The following SLC49A4 variants were observed in gnomAD, a reference collection of about 807,000 sequenced individuals.
The protein encoded by SLC49A4 is disrupted in renal cancer protein 2.
A neutral mutation model predicts 50.6 loss-of-function variants in SLC49A4; 36 were observed. The observed-to-expected ratio is 0.71, with a 90% CI of 0.55 to 0.94. SLC49A4 has a LOEUF of 0.94. Ranked by LOEUF, SLC49A4 falls within the 40% of genes least tolerant of loss-of-function variation. The pLI is 0.00. For synonymous variants in SLC49A4, 248 were observed against 241.2 expected (o/e 1.03, Z -0.26); for missense variants, 503 against 605.7 (o/e 0.83, Z 1.78).
chr3:122,841,463 A>T (rs1037255276), intron 4 of SLC49A4, among the ~76,000 whole-genome samples: 3 of 152,236 alleles, frequency 2.0e-5, no homozygotes, highest in Non-Finnish European at 4.4e-5. Context: ...GATACTAGAG[A>T]CAACACATGC....
intron 2 of SLC49A4, among the ~76,000 whole-genome samples, chr3:122,814,225 G>A (rs1049063221): frequency 3.3e-5 from 5 of 152,104 alleles, no homozygotes; most frequent in South Asian, 2.1e-4. Context: ...CCGAGATTGC[G>A]CCACTGCACT....
chr3:122,817,888 C>T (rs538536826), intron 2 of SLC49A4, among the ~76,000 whole-genome samples: 1 of 151,090 alleles, frequency 6.6e-6, no homozygotes, highest in Admixed American at 6.7e-5. Context: ...CACCACCTTG[C>T]CCAGTGTGCA....
chr3:122,847,380 C>T (rs1173691298), intron 5 of SLC49A4, among the ~76,000 whole-genome samples: 1 of 147,496 alleles, frequency 6.8e-6, no homozygotes, highest in African/African-American at 2.5e-5. Context: ...TGGAGTCTCG[C>T]TCTGTCGCCC....
intron 7 of SLC49A4, among the ~76,000 whole-genome samples, chr3:122,865,463 A>G (rs935064988): frequency 1.3e-5 from 2 of 151,656 alleles, no homozygotes; most frequent in Non-Finnish European, 2.9e-5. Flanking sequence ...CACAGCAGTC[A>G]CTTTTTTTTT....
Position 122,879,562 on chromosome 3 carries a change from G to C in SLC49A4, c.*184G>C. On this transcript the variant is annotated 3_prime_UTR_variant, in exon 9 of 9. Coordinates refer to ENST00000261038, the MANE Select transcript of SLC49A4 (RefSeq NM_032839.3). ...ACTAGGTAATAATAATGGGAGACTTGAGTGATAATAGGGGATTTTAAAACT... is the reference window on the plus strand; with the variant it reads ...ACTAGGTAATAATAATGGGAGACTTCAGTGATAATAGGGGATTTTAAAACT... 2.0e-6 allele frequency: 1 copy of C among 506,748 alleles called. No homozygotes were observed. The allele number at this position is 506,748 out of a possible 1,614,324, so 31.4% of individuals were successfully genotyped here. A position where few individuals can be genotyped will look rare whatever the true frequency, so the allele number is the denominator to read the frequency against.
At chr3:122,846,423 A>G (rs78718045) in intron 5 of SLC49A4, among the ~76,000 whole-genome samples, 2 of 152,014 alleles carry the variant, frequency 1.3e-5, no homozygotes. Flanking sequence ...AAAAAAAAAA[A>G]TTTGTCTATT....
chr3:122,833,337 A>C lies in SLC49A4; in HGVS notation c.724A>C (p.Ile242Leu), dbSNP rs931605806. 2 of 1,613,268 alleles carry C rather than the reference A, an allele frequency of 1.2e-6. No individual in the cohort carries two copies. The highest frequency in any genetic ancestry group is 2.2e-5 in the South Asian group (2 of 91,056). ...LYAEFGVVCL[I>L]FSATLAYFPP... Reference sequence around the variant, plus strand: ...TTCAGAATTTGGAGTTGTCTGCTTAATATTTTCTGCAACACTAGCTTATTT... The same window carrying C: ...TTCAGAATTTGGAGTTGTCTGCTTACTATTTTCTGCAACACTAGCTTATTT... The change falls in exon 4 of 9, where the codon ATA becomes CTA. Residue 242 changes from isoleucine (I) to leucine (L), a missense_variant. Coordinates refer to ENST00000261038, the MANE Select transcript of SLC49A4 (RefSeq NM_032839.3).
chr3:122,832,292 G>A (rs779796455), intron 3 of SLC49A4, among the ~76,000 whole-genome samples: 1 of 152,128 alleles, frequency 6.6e-6, no homozygotes, highest in Non-Finnish European at 1.5e-5. Context: ...TACAAAATTG[G>A]ACACAGTTAT....
intron 7 of SLC49A4, among the ~76,000 whole-genome samples, chr3:122,867,976 A>G (rs1426454373): frequency 6.6e-6 from 1 of 152,140 alleles, no homozygotes; most frequent in African/African-American, 2.4e-5. Context: ...TTAGCCGGGC[A>G]TGGTGGTGGG....
chr3:122,847,267 A>G (rs1305499808), intron 5 of SLC49A4, among the ~76,000 whole-genome samples: 3 of 152,150 alleles, frequency 2.0e-5, no homozygotes, highest in Non-Finnish European at 2.9e-5. Flanking sequence ...TGAACTGCCT[A>G]CTAGAACAAA....
intron 2 of SLC49A4, among the ~76,000 whole-genome samples, chr3:122,818,871 A>C (rs1453520333): frequency 2.6e-5 from 4 of 151,980 alleles, no homozygotes; most frequent in Admixed American, 2.0e-4. Context: ...TGAACCCAGG[A>C]GACAGAGGTT....
chr3:122,837,442 C>G (rs772683996), intron 4 of SLC49A4, among the ~76,000 whole-genome samples: 4 of 151,970 alleles, frequency 2.6e-5, no homozygotes, highest in East Asian at 3.8e-4. Flanking sequence ...ACAAACCTGA[C>G]AAAAACAAGC....
chr3:122,834,798 G>A (rs1936655885), intron 4 of SLC49A4, among the ~76,000 whole-genome samples: 1 of 151,980 alleles, frequency 6.6e-6, no homozygotes, highest in African/African-American at 2.4e-5. Flanking sequence ...AAACAAAATT[G>A]ATACCCCATT....
chr3:122,872,287 T>C, intron 7 of SLC49A4, 128 bp from the exon 8 acceptor site: 1 of 794,996 alleles, frequency 1.3e-6, no homozygotes. Flanking sequence ...TTTGTCAAAC[T>C]TTATCAACTA....
At chr3:122,818,278 G>A (rs545791779) in intron 2 of SLC49A4, among the ~76,000 whole-genome samples, 1 of 152,240 alleles carries the variant, frequency 6.6e-6, no homozygotes, top group Non-Finnish European at 1.5e-5. Flanking sequence ...TAGTGCATAA[G>A]CTGTATATTC....
chr3:122,877,784 T>C (rs1415208040), intron 8 of SLC49A4, among the ~76,000 whole-genome samples: 1 of 18,616 alleles, frequency 5.4e-5, no homozygotes, highest in Admixed American at 3.0e-4. Flanking sequence ...AGGGGTTATA[T>C]AGTCAAAAGC....
At chr3:122,822,892 C>T (rs2107563693) in intron 2 of SLC49A4, among the ~76,000 whole-genome samples, 1 of 152,252 alleles carries the variant, frequency 6.6e-6, no homozygotes. Context: ...GTTATGGGTG[C>T]CCTCCAGTAT....
intron 1 of SLC49A4, among the ~76,000 whole-genome samples, chr3:122,799,872 G>A (rs1013283356): frequency 1.3e-5 from 2 of 152,324 alleles, no homozygotes; most frequent in South Asian, 2.1e-4. Flanking sequence ...CAACTTTTTA[G>A]TATTACTGAT....
intron 1 of SLC49A4, 146 bp from the exon 2 acceptor site, chr3:122,806,711 T>G (rs78632680): frequency 1.4e-4 from 81 of 585,016 alleles, no homozygotes; most frequent in East Asian, 1.3e-3. Flanking sequence ...GTTCGTTGTT[T>G]TTTTTTTTTT....
Sources: gnomAD v4.1 joint callset for allele counts (sites outside exome capture counted in the v4.1 genomes callset) on GRCh38, gnomAD v4.1.1 for gene constraint, MANE v1.5 for transcripts, NCBI Gene and HGNC (gene_info 2026-07-23, HGNC 2026-07-21) for gene names.